The following ADGRV1 variants were observed in gnomAD, a reference collection of about 807,000 sequenced individuals.
ADGRV1 encodes adhesion G protein-coupled receptor V1.
A neutral mutation model predicts 596.2 loss-of-function variants in ADGRV1; 359 were observed. The observed-to-expected ratio is 0.60, with a 90% CI of 0.55 to 0.66. The LOEUF is 0.66. Among genes scored for constraint, ADGRV1 ranks in the 30% least tolerant of loss-of-function variants. The pLI is 0.00. For missense variants in ADGRV1, 7,274 were observed against 7,575.6 expected (o/e 0.96, Z 1.48); for synonymous variants, 2,681 against 2,679.2 (o/e 1.00, Z -0.02).
intron 58 of ADGRV1, among the ~76,000 whole-genome samples, chr5:90,761,105 A>C (rs1246232260): frequency 6.6e-6 from 1 of 152,238 alleles, no homozygotes; most frequent in Non-Finnish European, 1.5e-5. Flanking sequence ...CCAATTGCTG[A>C]AATGCCCATT....
At chr5:91,077,753 G>A (rs1252452182) in intron 86 of ADGRV1, among the ~76,000 whole-genome samples, 1 of 152,150 alleles carries the variant, frequency 6.6e-6, no homozygotes, top group Non-Finnish European at 1.5e-5. Flanking sequence ...TATGATAAAG[G>A]TATGTACCTG....
intron 70 of ADGRV1, among the ~76,000 whole-genome samples, chr5:90,795,201 C>T (rs1760557861): frequency 6.6e-6 from 1 of 150,548 alleles, no homozygotes; most frequent in Admixed American, 6.6e-5. Flanking sequence ...AGTGGTCTTG[C>T]TCAGCAGGTC....
chr5:90,868,962 T>C (rs1267334475), intron 83 of ADGRV1, among the ~76,000 whole-genome samples: 1 of 152,142 alleles, frequency 6.6e-6, no homozygotes, highest in African/African-American at 2.4e-5. Context: ...CATCCAGCAG[T>C]TCGACCACTT....
intron 41 of ADGRV1, 99 bp from the exon 42 acceptor site, chr5:90,712,188 C>G: frequency 1.5e-6 from 1 of 670,184 alleles, no homozygotes; most frequent in Non-Finnish European, 2.3e-6. Flanking sequence ...ATAGCTTATT[C>G]TTTACATTCA....
intron 76 of ADGRV1, among the ~76,000 whole-genome samples, chr5:90,827,605 A>G (rs187468603): frequency 9.6e-4 from 147 of 152,336 alleles, no homozygotes; most frequent in African/African-American, 3.3e-3. Flanking sequence ...TCGCTTGGCC[A>G]TACTAGGTCT....
Position 90,788,288 on chromosome 5 carries a change from G to T in ADGRV1, c.13871G>T (p.Arg4624Ile). 5 of 1,612,560 alleles carry T rather than the reference G, an allele frequency of 3.1e-6. No homozygotes were observed. Among genetic ancestry groups the T allele is most frequent in the Non-Finnish European group, 4.2e-6 (5 of 1,178,920 alleles). Residue 4624 changes from arginine (R) to isoleucine (I), a missense_variant, in exon 68 of 90, where the codon AGA becomes ATA. By Grantham distance (97) the Arg-to-Ile change is moderately conservative. Coordinates refer to ENST00000405460, the MANE Select transcript of ADGRV1 (RefSeq NM_032119.4). Reference protein sequence around the residue: ...LVKGEAKLDSRAKDVTLTIQE... With the variant: ...LVKGEAKLDSIAKDVTLTIQE... Reference sequence around the variant, plus strand: ...AAAGGAGAAGCTAAATTAGACTCCAGAGCTAAAGATGTTACATTAACCGTA... The same window carrying T: ...AAAGGAGAAGCTAAATTAGACTCCATAGCTAAAGATGTTACATTAACCGTA...
rs868465050 is a variant in ADGRV1, at chr5:90,564,782, G to A, written c.22+5865G>A. ...GCTGGGACTACAGGCGCCCGCCACT[G>A]CGCCCGGCTAATTTTTTGTATTTTT... is the stretch of plus-strand genomic sequence containing the variant. On this transcript the variant is annotated intron_variant, in intron 1 of 89. Coordinates refer to ENST00000405460, the MANE Select transcript of ADGRV1 (RefSeq NM_032119.4). 7.1e-3 allele frequency among the ~76,000 whole-genome samples: 637 copies of A among 90,192 alleles called. 88 individuals are homozygous for A. The highest frequency in any genetic ancestry group is 0.034 in the African/African-American group (594 of 17,352). The allele number at this position is 90,192 out of a possible 152,430, so 59.2% of individuals were successfully genotyped here. A position where few individuals can be genotyped will look rare whatever the true frequency, so the allele number is the denominator to read the frequency against.
chr5:90,782,792 G>GT (rs1758994085), intron 65 of ADGRV1, among the ~76,000 whole-genome samples: 3 of 152,014 alleles, frequency 2.0e-5, no homozygotes, highest in Non-Finnish European at 4.4e-5. Context: ...CAACTTAAAT[G>GT]TTTTTTTGTA....
intron 83 of ADGRV1, among the ~76,000 whole-genome samples, chr5:90,891,061 C>T (rs180762642): frequency 1.5e-3 from 228 of 151,212 alleles, no homozygotes; most frequent in African/African-American, 4.8e-3. Context: ...AATGGGAGAG[C>T]GGGTTTATAT....
At position 90,745,149 on chromosome 5, in the gene ADGRV1, G is replaced by A. The variant is rs1426116692; in HGVS notation, c.10653G>A (p.Val3551=). ...TGGAAGTACCTTCTGCTTATGATGT[G>A]GCTTCTGTTACAGTAAAGTCCCTTA... ...FVLEVPSAYD[V]ASVTVKSLNS... is the part of the protein sequence containing the mutation. The change falls in exon 51 of 90, where the codon GTG becomes GTA. Residue 3551 remains valine (V), a synonymous_variant. Transcript: ENST00000405460. The A allele has an allele frequency of 6.2e-7, 1 of 1,613,448 alleles. No individual in the cohort carries two copies. The highest frequency in any genetic ancestry group is 1.7e-5 in the Admixed American group (1 of 60,008).
At chr5:90,902,518 T>C (rs1032469602) in intron 83 of ADGRV1, among the ~76,000 whole-genome samples, 3 of 152,150 alleles carry the variant, frequency 2.0e-5, no homozygotes, top group African/African-American at 7.2e-5. Context: ...TTTCCATTCA[T>C]ATATTTGCTC....
At chr5:90,959,452 A>G (rs949011756) in intron 83 of ADGRV1, among the ~76,000 whole-genome samples, 3 of 152,162 alleles carry the variant, frequency 2.0e-5, no homozygotes, top group African/African-American at 7.2e-5. Flanking sequence ...TTTTGTAGAA[A>G]TTGACTACCT....
Position 90,781,211 on chromosome 5 carries a change from G to A in ADGRV1, c.13083-219G>A, listed in dbSNP as rs11953174. On this transcript the variant is annotated intron_variant, in intron 64 of 89. Transcript: ENST00000405460. ...GTAACTTTATATTAGTTTTGGCTTC[G>A]TACAGGCACCACTCATTGGGAGCAA... 8.1e-3 allele frequency: 4,438 copies of A among 546,018 alleles called. 174 individuals carry two copies. Among genetic ancestry groups the A allele is most frequent in the African/African-American group, 0.075 (3,968 of 52,606 alleles). 33.8% of individuals were successfully genotyped at this position (546,018 alleles called of 1,614,324 possible). A position where few individuals can be genotyped will look rare whatever the true frequency, so the allele number is the denominator to read the frequency against.
intron 78 of ADGRV1, 142 bp from the exon 79 acceptor site, chr5:90,848,495 C>G (rs1581311512): frequency 2.6e-6 from 1 of 378,030 alleles, no homozygotes; most frequent in East Asian, 4.2e-5. Flanking sequence ...ATTTTGATAC[C>G]AATTTCTCTT....
intron 83 of ADGRV1, among the ~76,000 whole-genome samples, chr5:90,895,052 C>G (rs892166069): frequency 6.6e-6 from 1 of 152,116 alleles, no homozygotes; most frequent in Non-Finnish European, 1.5e-5. Flanking sequence ...CCTCAGCCTA[C>G]TGAGCAGCTG....
intron 87 of ADGRV1, among the ~76,000 whole-genome samples, chr5:91,121,825 TTG>T (rs573104471): frequency 2.7e-3 from 408 of 152,300 alleles, no homozygotes; most frequent in African/African-American, 9.4e-3. Flanking sequence ...TGGGAGACAT[TTG>T]TGTCTGGAAA....
chr5:90,692,811 T>A, intron 32 of ADGRV1, 25 bp downstream of exon 32: 6 of 1,537,856 alleles, frequency 3.9e-6, no homozygotes, highest in Non-Finnish European at 5.3e-6. Context: ...TACTTGCCTC[T>A]GTGGGAGTGA....
intron 70 of ADGRV1, chr5:90,791,741 T>C (rs1760106286): frequency 6.2e-6 from 1 of 162,124 alleles, no homozygotes; most frequent in African/African-American, 2.4e-5. Context: ...ATGAAATAGA[T>C]TACATGAAGA....
At chr5:90,772,558 T>C (rs1454980509) in intron 59 of ADGRV1, among the ~76,000 whole-genome samples, 1 of 152,202 alleles carries the variant, frequency 6.6e-6, no homozygotes, top group Non-Finnish European at 1.5e-5. Context: ...ATAGTGCTTA[T>C]TAAACATGAG....
Sources: allele counts gnomAD v4.1 joint callset (sites outside exome capture counted in the v4.1 genomes callset), GRCh38; gene constraint gnomAD v4.1.1; transcripts MANE v1.5; gene names NCBI Gene and HGNC (gene_info 2026-07-23, HGNC 2026-07-21).